LARGE1: variants seen among roughly 807,000 people sequenced by gnomAD.
LARGE1 encodes the protein LARGE xylosyl- and glucuronyltransferase 1, also known as xylosyl- and glucuronyltransferase LARGE1.
Under a neutral mutation model 87.6 loss-of-function variants are expected in LARGE1, and 43 were observed. That is an observed-to-expected ratio of 0.49 (90% CI 0.38 to 0.63). The LOEUF (loss-of-function observed/expected upper bound fraction) is 0.63. Ranked by LOEUF, LARGE1 falls within the 30% of genes least tolerant of loss-of-function variation. LARGE1 has a pLI of 0.00. For missense variants in LARGE1, 802 were observed against 1,000.2 expected (o/e 0.80, Z 2.67); for synonymous variants, 434 against 394.6 (o/e 1.10, Z -1.18).
chr22:33,444,845 GGTGAGACGTT>G (rs1413545903), intron 6 of LARGE1, among the ~76,000 whole-genome samples: 2 of 151,334 alleles, frequency 1.3e-5, no homozygotes, highest in Non-Finnish European at 3.0e-5. Context: ...TTTTTGAGAC[GGTGAGACGTT>G]GTCTTGTTCT....
chr22:33,299,753 T>C (rs146805060), intron 12 of LARGE1, among the ~76,000 whole-genome samples: 4 of 152,298 alleles, frequency 2.6e-5, no homozygotes, highest in African/African-American at 9.6e-5. Context: ...CACACTTGAT[T>C]AGTGTTGTGG....
intron 1 of LARGE1, among the ~76,000 whole-genome samples, chr22:33,807,318 G>T (rs1237404066): frequency 6.6e-6 from 1 of 152,210 alleles, no homozygotes; most frequent in Non-Finnish European, 1.5e-5. Flanking sequence ...CCAGCATGTA[G>T]TAGGTGTTCA....
At chr22:33,178,389 G>T (rs1922991902) in intron 11 of LARGE1, among the ~76,000 whole-genome samples, 1 of 152,076 alleles carries the variant, frequency 6.6e-6, no homozygotes, top group South Asian at 2.1e-4. Flanking sequence ...TTGTTTTGAT[G>T]TTGAAACACA....
intron 5 of LARGE1, among the ~76,000 whole-genome samples, chr22:33,568,859 C>T (rs1423440268): frequency 6.7e-6 from 1 of 150,366 alleles, no homozygotes; most frequent in Non-Finnish European, 1.5e-5. Flanking sequence ...TGGATGAATG[C>T]ATGGATGGAT....
At chr22:33,536,797 ATTTAT>A (rs1418752693) in intron 6 of LARGE1, among the ~76,000 whole-genome samples, 1 of 151,934 alleles carries the variant, frequency 6.6e-6, no homozygotes, top group Non-Finnish European at 1.5e-5. Flanking sequence ...TTGAAAGGCC[ATTTAT>A]TTTATTTATT....
intron 11 of LARGE1, among the ~76,000 whole-genome samples, chr22:33,215,695 G>A (rs546579092): frequency 2.0e-5 from 3 of 152,230 alleles, no homozygotes; most frequent in South Asian, 4.1e-4. Flanking sequence ...GGTGGCTCAC[G>A]CCTTTAATCC....
chr22:33,098,614 C>T, the LARGE1 span, among the ~76,000 whole-genome samples: 787 of 152,246 alleles, frequency 5.2e-3, 2 homozygotes, highest in African/African-American at 0.018. Context: ...GAGCAAGACT[C>T]CGTCTCAAAA....
At chr22:33,801,476 T>C (rs771451830) in intron 1 of LARGE1, among the ~76,000 whole-genome samples, 7 of 152,202 alleles carry the variant, frequency 4.6e-5, no homozygotes, top group Non-Finnish European at 8.8e-5. Context: ...CATCTTTTCA[T>C]GCGCTTATTT....
intron 7 of LARGE1, among the ~76,000 whole-genome samples, chr22:33,426,633 T>C (rs1301494759): frequency 6.6e-6 from 1 of 152,224 alleles, no homozygotes; most frequent in Non-Finnish European, 1.5e-5. Flanking sequence ...GAATTTTCCA[T>C]GGTATCTGAC....
At chr22:33,371,174 A>C (rs114021399) in intron 9 of LARGE1, among the ~76,000 whole-genome samples, 1,924 of 151,832 alleles carry the variant, frequency 0.013, 44 homozygotes, top group African/African-American at 0.044. Context: ...CCAAAAAAAA[A>C]ACTCCTAAGA....
intron 1 of LARGE1, among the ~76,000 whole-genome samples, chr22:33,834,793 A>T (rs937025680): frequency 2.6e-5 from 4 of 152,226 alleles, no homozygotes; most frequent in African/African-American, 7.2e-5. Flanking sequence ...ATTTTCTTTT[A>T]AAAAAGCCAA....
At chr22:33,306,143 C>T (rs760500125) in intron 11 of LARGE1, among the ~76,000 whole-genome samples, 2 of 152,092 alleles carry the variant, frequency 1.3e-5, no homozygotes, top group African/African-American at 2.4e-5. Context: ...CGCGCCTGGC[C>T]GACCAGAGCC....
At chr22:33,243,444 C>A (rs1926612957) in intron 11 of LARGE1, among the ~76,000 whole-genome samples, 2 of 152,110 alleles carry the variant, frequency 1.3e-5, no homozygotes, top group African/African-American at 4.8e-5. Context: ...ATTTCTGTCA[C>A]CAATGATTAG....
intron 6 of LARGE1, among the ~76,000 whole-genome samples, chr22:33,442,307 C>A (rs1183203465): frequency 6.6e-6 from 1 of 152,184 alleles, no homozygotes; most frequent in Non-Finnish European, 1.5e-5. Context: ...ACAGACACAG[C>A]AGGGAAGAAA....
chr22:33,401,981 T>C (rs1341183698), intron 7 of LARGE1, among the ~76,000 whole-genome samples: 2 of 152,172 alleles, frequency 1.3e-5, no homozygotes, highest in Non-Finnish European at 2.9e-5. Context: ...TTCACCCCCA[T>C]ATGCAGTCCC....
chr22:33,386,404 T>G (rs2065323604), intron 7 of LARGE1, among the ~76,000 whole-genome samples: 1 of 148,822 alleles, frequency 6.7e-6, no homozygotes, highest in South Asian at 2.4e-4. Context: ...AGATCTGTCT[T>G]TTGTTGACTC....
intron 1 of LARGE1, among the ~76,000 whole-genome samples, chr22:33,859,977 G>A (rs2063865668): frequency 6.6e-6 from 1 of 152,108 alleles, no homozygotes; most frequent in South Asian, 2.1e-4. Context: ...GGGGAAAATA[G>A]GGAGTTCTTG....
chr22:33,731,598 T>C (rs8137955), intron 2 of LARGE1, among the ~76,000 whole-genome samples: 2,299 of 152,180 alleles, frequency 0.015, 46 homozygotes, highest in African/African-American at 0.053. Flanking sequence ...GGGTACAATA[T>C]TACAGTTACA....
intron 2 of LARGE1, among the ~76,000 whole-genome samples, chr22:33,719,679 C>A (rs1169248396): frequency 6.6e-6 from 1 of 151,998 alleles, no homozygotes; most frequent in Non-Finnish European, 1.5e-5. Context: ...CACCACAACG[C>A]CTGGCTAATT....
Sources: allele counts gnomAD v4.1 joint callset (sites outside exome capture counted in the v4.1 genomes callset), GRCh38; gene constraint gnomAD v4.1.1; transcripts MANE v1.5; gene names NCBI Gene and HGNC (gene_info 2026-07-23, HGNC 2026-07-21).